COL23A1: variants seen among roughly 807,000 people sequenced by gnomAD.
COL23A1 encodes collagen alpha-1(XXIII) chain.
A neutral mutation model predicts 99.3 loss-of-function variants in COL23A1; 97 were observed. That is an observed-to-expected ratio of 0.98 (90% CI 0.83 to 1.16). The LOEUF is 1.16. Ranked by LOEUF, COL23A1 falls within the 50% of genes most tolerant of loss-of-function variation. The pLI is 0.00. For synonymous variants in COL23A1, 320 were observed against 308.2 expected (o/e 1.04, Z -0.40); for missense variants, 762 against 757.4 (o/e 1.01, Z -0.07).
chr5:178,302,077 TCTGTGTGTGCC>T (rs1758081268), intron 3 of COL23A1, among the ~76,000 whole-genome samples: 2 of 135,540 alleles, frequency 1.5e-5, no homozygotes, highest in African/African-American at 2.8e-5. Context: ...TGTGTGCCGC[TCTGTGTGTGCC>T]GGAGCACGGC....
At chr5:178,512,306 C>T (rs1187386506) in intron 2 of COL23A1, among the ~76,000 whole-genome samples, 1 of 152,204 alleles carries the variant, frequency 6.6e-6, no homozygotes, top group Non-Finnish European at 1.5e-5. Flanking sequence ...ATAATGTTTA[C>T]TGTGTAACTC....
At chr5:178,567,269 G>T (rs1277441730) in intron 1 of COL23A1, among the ~76,000 whole-genome samples, 1 of 152,174 alleles carries the variant, frequency 6.6e-6, no homozygotes, top group Non-Finnish European at 1.5e-5. Flanking sequence ...CCAGATCTTG[G>T]TCTCTAATAT....
At chr5:178,359,498 A>G (rs1412982729) in intron 2 of COL23A1, among the ~76,000 whole-genome samples, 1 of 152,226 alleles carries the variant, frequency 6.6e-6, no homozygotes, top group East Asian at 1.9e-4. Context: ...ACTGCACTCT[A>G]GCCTGGGTGA....
At chr5:178,465,764 C>T (rs1325947289) in intron 2 of COL23A1, among the ~76,000 whole-genome samples, 4 of 152,228 alleles carry the variant, frequency 2.6e-5, no homozygotes, top group African/African-American at 7.2e-5. Context: ...GATCGTGCTA[C>T]ACACGGTAAA....
At chr5:178,417,470 AG>A (rs1023431022) in intron 2 of COL23A1, among the ~76,000 whole-genome samples, 15 of 152,152 alleles carry the variant, frequency 9.9e-5, no homozygotes, top group African/African-American at 3.6e-4. Flanking sequence ...CACTGCCCAA[AG>A]GGGGAAATCA....
At chr5:178,585,729 TCC>T (rs1562115568) in intron 1 of COL23A1, among the ~76,000 whole-genome samples, 3,223 of 10,818 alleles carry the variant, frequency 0.3, 302 homozygotes, top group African/African-American at 0.39. Flanking sequence ...GGGGTAACAC[TCC>T]ACAGCCCTGG....
intron 2 of COL23A1, among the ~76,000 whole-genome samples, chr5:178,322,199 G>C (rs902037579): frequency 1.3e-5 from 2 of 151,122 alleles, no homozygotes; most frequent in African/African-American, 4.9e-5. Context: ...TCACTGTGTT[G>C]GCCAGGCTGT....
chr5:178,250,327 G>A (rs949908164), intron 17 of COL23A1, among the ~76,000 whole-genome samples: 9 of 152,220 alleles, frequency 5.9e-5, no homozygotes, highest in African/African-American at 1.4e-4. Context: ...AGATTCGGGC[G>A]CTGAGGCTTG....
intron 2 of COL23A1, among the ~76,000 whole-genome samples, chr5:178,386,592 C>G (rs116287949): frequency 6.6e-6 from 1 of 151,444 alleles, no homozygotes; most frequent in African/African-American, 2.4e-5. Flanking sequence ...AGAGGGGGGT[C>G]GGGGTGGGTG....
chr5:178,523,170 A>ACG (rs1760063898), intron 2 of COL23A1, among the ~76,000 whole-genome samples: 1 of 109,854 alleles, frequency 9.1e-6, no homozygotes, highest in African/African-American at 3.2e-5. Context: ...ATACATATAT[A>ACG]TATATATACA....
At chr5:178,290,948 C>T (rs1035124095) in intron 3 of COL23A1, among the ~76,000 whole-genome samples, 5 of 152,308 alleles carry the variant, frequency 3.3e-5, no homozygotes, top group Middle Eastern at 3.4e-3. Context: ...AGGGGCTTCA[C>T]CTCACAGCTT....
At chr5:178,321,919 A>C (rs569491070) in intron 2 of COL23A1, among the ~76,000 whole-genome samples, 1 of 151,792 alleles carries the variant, frequency 6.6e-6, no homozygotes, top group Non-Finnish European at 1.5e-5. Flanking sequence ...GGTTCAAGTG[A>C]TTCTTCTGCC....
intron 2 of COL23A1, among the ~76,000 whole-genome samples, chr5:178,444,065 G>A (rs1044661031): frequency 6.6e-6 from 1 of 152,100 alleles, no homozygotes; most frequent in African/African-American, 2.4e-5. Context: ...AGCCAGGTGT[G>A]GTGGCACATT....
intron 2 of COL23A1, among the ~76,000 whole-genome samples, chr5:178,364,911 G>A (rs1762379286): frequency 1.3e-5 from 2 of 152,238 alleles, no homozygotes; most frequent in Admixed American, 1.3e-4. Context: ...GGCACAGCCA[G>A]CATTTCCAGT....
intron 6 of COL23A1, among the ~76,000 whole-genome samples, chr5:178,269,769 A>AATCC (rs146383993): frequency 0.28 from 40,824 of 144,228 alleles, 6,520 homozygotes; most frequent in East Asian, 0.54. Context: ...ACCACCCACC[A>AATCC]ATCCATCCAT....
chr5:178,470,221 G>C (rs1227812780), intron 2 of COL23A1, among the ~76,000 whole-genome samples: 1 of 152,196 alleles, frequency 6.6e-6, no homozygotes, highest in Non-Finnish European at 1.5e-5. Context: ...CAGGGACGAA[G>C]CTTGCTTTGA....
chr5:178,245,191 A>T (rs935676456), intron 25 of COL23A1, among the ~76,000 whole-genome samples: 2 of 145,356 alleles, frequency 1.4e-5, no homozygotes, highest in Admixed American at 6.9e-5. Flanking sequence ...TGCCATCATC[A>T]TCCATCCATT....
In COL23A1 at chr5:178,468,843, A is replaced by T. The variant is rs73803416; in HGVS notation, c.361+91839T>A. ...GCATTCACACTGCTGTGCAGCCATCAGCACCCTCCACCTCCAGGACGTTTT... is the reference window on the plus strand; with the variant it reads ...GCATTCACACTGCTGTGCAGCCATCTGCACCCTCCACCTCCAGGACGTTTT... On this transcript the variant is annotated intron_variant, in intron 2 of 28. Transcript: ENST00000390654. The surrounding 1 kb of genome is among the most constrained non-coding windows in gnomAD (Gnocchi z 4.2). 6.2e-3 allele frequency among the ~76,000 whole-genome samples: 937 copies of T among 152,302 alleles called. 13 individuals are homozygous for T. The highest frequency in any genetic ancestry group is 0.02 in the African/African-American group (849 of 41,564).
chr5:178,569,819 CCACACA>C (rs2113642046), intron 1 of COL23A1, among the ~76,000 whole-genome samples: 1 of 152,148 alleles, frequency 6.6e-6, no homozygotes, highest in African/African-American at 2.4e-5. Flanking sequence ...CAGTTCCCTG[CCACACA>C]GCCCCTCCAC....
Sources: allele counts gnomAD v4.1 joint callset (sites outside exome capture counted in the v4.1 genomes callset), GRCh38; gene constraint gnomAD v4.1.1; non-coding constraint Gnocchi (gnomAD v3.1); transcripts MANE v1.5; gene names NCBI Gene and HGNC (gene_info 2026-07-23, HGNC 2026-07-21).